RALGAPA1: variants seen among roughly 807,000 people sequenced by gnomAD.
RALGAPA1 encodes the protein Ral GTPase activating protein catalytic subunit alpha 1.
RALGAPA1 carries 52 observed loss-of-function variants against 269.6 expected under a neutral mutation model. The observed-to-expected ratio is 0.19, with a 90% CI of 0.15 to 0.24. The LOEUF (loss-of-function observed/expected upper bound fraction) is 0.24, where lower values mean the gene tolerates loss of function less well. Ranked by LOEUF, RALGAPA1 falls within the 10% of genes least tolerant of loss-of-function variation. RALGAPA1 has a pLI of 1.00. For missense variants in RALGAPA1, 1,917 were observed against 3,013.9 expected, an observed-to-expected ratio of 0.64 and a Z score of 8.52; for synonymous variants, 817 against 1,008.3, an observed-to-expected ratio of 0.81 and a Z score of 3.60.
intron 7 of RALGAPA1, among the ~76,000 whole-genome samples, chr14:35,752,635 T>C (rs889303205): frequency 2.6e-5 from 4 of 151,792 alleles, no homozygotes; most frequent in African/African-American, 9.7e-5. Context: ...GTGAGGAGGG[T>C]GTCCATGAAG....
chr14:35,679,600 G>A (rs923407539), intron 21 of RALGAPA1, among the ~76,000 whole-genome samples: 4 of 152,190 alleles, frequency 2.6e-5, no homozygotes, highest in Non-Finnish European at 5.9e-5. Context: ...ATGGTTGTAT[G>A]AGTATTTGAA....
intron 21 of RALGAPA1, among the ~76,000 whole-genome samples, chr14:35,680,232 G>C (rs894551837): frequency 2.0e-5 from 3 of 152,090 alleles, no homozygotes; most frequent in African/African-American, 4.8e-5. Flanking sequence ...TTCTGAGATG[G>C]AGTCTCGCTC....
chr14:35,687,917 T>C (rs1248064515), intron 18 of RALGAPA1, among the ~76,000 whole-genome samples: 2 of 152,240 alleles, frequency 1.3e-5, no homozygotes, highest in African/African-American at 4.8e-5. Flanking sequence ...TAAGAAATAA[T>C]TTCCTCATCA....
At chr14:35,797,090 C>G (rs2076619831) in intron 1 of RALGAPA1, among the ~76,000 whole-genome samples, 1 of 152,146 alleles carries the variant, frequency 6.6e-6, no homozygotes, top group Non-Finnish European at 1.5e-5. Flanking sequence ...CGCAGTGGCT[C>G]ACGCCTGTAA....
At chr14:35,716,665 T>C (rs376596750) in intron 16 of RALGAPA1, among the ~76,000 whole-genome samples, 1 of 152,172 alleles carries the variant, frequency 6.6e-6, no homozygotes, top group Non-Finnish European at 1.5e-5. Context: ...CAGGATTCCA[T>C]GGGAGTTCAT....
In RALGAPA1 at chr14:35,571,593, G is replaced by A. The variant is rs566476988; in HGVS notation, c.7369-849C>T. On this transcript the variant is annotated intron_variant, in intron 38 of 41. Coordinates refer to ENST00000680220, the MANE Select transcript of RALGAPA1 (RefSeq NM_001346249.2). ...GGGAGGCTGAGACAGGGAATTGCTT[G>A]AACCCGGGAGGCGGAGGTTGCAGTG... is the stretch of plus-strand genomic sequence containing the variant. 2.2e-4 allele frequency among the ~76,000 whole-genome samples: 33 copies of A among 152,176 alleles called. 1 individual carries two copies. The East Asian group carries it at 6.0e-3, about 28-fold the overall frequency.
chr14:35,567,408 A>G (rs2056804079), intron 39 of RALGAPA1, among the ~76,000 whole-genome samples: 1 of 152,064 alleles, frequency 6.6e-6, no homozygotes, highest in Admixed American at 6.6e-5. Context: ...AATGTAACTT[A>G]TTATTATATC....
At chr14:35,563,176 GGTAA>G (rs2056429283) in intron 39 of RALGAPA1, among the ~76,000 whole-genome samples, 1 of 152,130 alleles carries the variant, frequency 6.6e-6, no homozygotes, top group Admixed American at 6.5e-5. Context: ...AAACAAGGAG[GGTAA>G]GTAAGACTTG....
chr14:35,796,370 C>G (rs1164448807), intron 1 of RALGAPA1, among the ~76,000 whole-genome samples: 1 of 152,068 alleles, frequency 6.6e-6, no homozygotes, highest in African/African-American at 2.4e-5. Context: ...ACTATGAGAC[C>G]TTCCAATATA....
chr14:35,790,328 G>C (rs1025665218), intron 1 of RALGAPA1, among the ~76,000 whole-genome samples: 4 of 152,062 alleles, frequency 2.6e-5, no homozygotes, highest in African/African-American at 9.7e-5. Context: ...AAGAATTGTG[G>C]GGATCTTTGG....
chr14:35,702,393 A>G (rs1238180491), intron 16 of RALGAPA1, among the ~76,000 whole-genome samples: 1 of 152,226 alleles, frequency 6.6e-6, no homozygotes, highest in Non-Finnish European at 1.5e-5. Flanking sequence ...ATATAGAAGC[A>G]TGGAATATGC....
At chr14:35,605,447 G>A in intron 36 of RALGAPA1, 139 bp downstream of exon 36, 1 of 858,620 alleles carries the variant, frequency 1.2e-6, no homozygotes, top group Non-Finnish European at 1.7e-6. Flanking sequence ...CAGACAAAAT[G>A]GAAGGCAGAA....
intron 31 of RALGAPA1, among the ~76,000 whole-genome samples, chr14:35,648,089 A>G (rs1240334433): frequency 6.6e-6 from 1 of 151,766 alleles, no homozygotes; most frequent in African/African-American, 2.4e-5. Context: ...AGCCTGGCCC[A>G]TACGGTGAAA....
chr14:35,663,185 C>T (rs372256095), intron 27 of RALGAPA1, among the ~76,000 whole-genome samples: 2 of 152,066 alleles, frequency 1.3e-5, no homozygotes, highest in African/African-American at 4.8e-5. Context: ...AGCCACCATA[C>T]CTGGCCTAAA....
At chr14:35,778,294 T>G (rs1240697730) in intron 1 of RALGAPA1, among the ~76,000 whole-genome samples, 1 of 152,178 alleles carries the variant, frequency 6.6e-6, no homozygotes, top group Admixed American at 6.5e-5. Flanking sequence ...GAAGCAATCC[T>G]CCTACCTTGG....
chr14:35,708,383 C>T (rs2067993285), intron 16 of RALGAPA1, among the ~76,000 whole-genome samples: 1 of 152,000 alleles, frequency 6.6e-6, no homozygotes, highest in Non-Finnish European at 1.5e-5. Context: ...CTAGAATACA[C>T]AAGGAGCTCA....
chr14:35,673,767 A>G (rs768885207), intron 24 of RALGAPA1, among the ~76,000 whole-genome samples: 4 of 151,962 alleles, frequency 2.6e-5, no homozygotes, highest in Admixed American at 6.6e-5. Context: ...TTTTTAGTAG[A>G]GACAGGGTTT....
chr14:35,766,356 A>G (rs551108711), intron 4 of RALGAPA1: 21 of 1,346,914 alleles, frequency 1.6e-5, no homozygotes, highest in Non-Finnish European at 2.2e-5. Context: ...GACAAATGTG[A>G]GCAAACTATG....
chr14:35,689,624 C>G lies in RALGAPA1; in HGVS notation c.2787G>C (p.Gln929His), dbSNP rs1488736000. The change falls in exon 18 of 42, where the codon CAG becomes CAC. Residue 929 changes from glutamine to histidine, a missense_variant. By Grantham distance (24) the Gln-to-His change is conservative (BLOSUM62 0). Transcript: ENST00000680220. ...CATCATCTCCTTCAAGGTCAATGTA[C>G]TGGATTTGTTCAAAAGCTGAATCTG... ...ELADSAFEQI[Q>H]YIDLEGDDDL... 1 of 1,263,348 alleles carries G rather than the reference C, an allele frequency of 7.9e-7. No individual in the cohort carries two copies. The highest frequency in any genetic ancestry group is 9.9e-7 in the Non-Finnish European group (1 of 1,007,580). The allele number at this position is 1,263,348 out of a possible 1,614,324, so 78.3% of individuals were successfully genotyped here. A position where few individuals can be genotyped will look rare whatever the true frequency, so the allele number is the denominator to read the frequency against.
Sources: gnomAD v4.1 joint callset for allele counts (sites outside exome capture counted in the v4.1 genomes callset) on GRCh38, gnomAD v4.1.1 for gene constraint, MANE v1.5 for transcripts, NCBI Gene and HGNC (gene_info 2026-07-23, HGNC 2026-07-21) for gene names.